Variants in EPHA6 observed in about 807,000 individuals in gnomAD.
The protein encoded by EPHA6 is ephrin type-A receptor 6.
In EPHA6, 50 loss-of-function variants were observed where a neutral mutation model predicts 112.0. That is an observed-to-expected ratio of 0.45 (90% confidence interval 0.36 to 0.56). EPHA6 has a LOEUF of 0.56. Among genes scored for constraint, EPHA6 ranks in the 20% least tolerant of loss-of-function variants. EPHA6 has a pLI of 0.00. For missense variants in EPHA6, 1,280 were observed against 1,417.4 expected, an observed-to-expected ratio of 0.90 and a Z score of 1.56; for synonymous variants, 529 against 490.7, an observed-to-expected ratio of 1.08 and a Z score of -1.03.
At chr3:96,846,633 G>C (rs964532789) in intron 1 of EPHA6, among the ~76,000 whole-genome samples, 1 of 152,028 alleles carries the variant, frequency 6.6e-6, no homozygotes, top group Admixed American at 6.6e-5. Context: ...TTAATAGCTT[G>C]AGAAATTCCA....
intron 3 of EPHA6, among the ~76,000 whole-genome samples, chr3:97,186,467 A>G (rs543191510): frequency 3.9e-5 from 6 of 152,286 alleles, no homozygotes; most frequent in African/African-American, 1.4e-4. Flanking sequence ...TCTCAACTTA[A>G]CTGCCAGTAC....
chr3:96,880,718 C>A (rs1255894309), intron 2 of EPHA6, among the ~76,000 whole-genome samples: 1 of 152,076 alleles, frequency 6.6e-6, no homozygotes, highest in African/African-American at 2.4e-5. Flanking sequence ...CTGGCAAACA[C>A]TAATCTGTTT....
At chr3:97,327,427 A>G (rs2082488109) in intron 5 of EPHA6, among the ~76,000 whole-genome samples, 1 of 151,876 alleles carries the variant, frequency 6.6e-6, no homozygotes. Flanking sequence ...ATTGACATTG[A>G]TATAATCCAT....
At chr3:97,376,811 G>A (rs145035349) in intron 5 of EPHA6, among the ~76,000 whole-genome samples, 54 of 152,288 alleles carry the variant, frequency 3.5e-4, no homozygotes, top group African/African-American at 1.3e-3. Context: ...AGGTGAGGGA[G>A]ACAGAAAGTA....
intron 14 of EPHA6, among the ~76,000 whole-genome samples, chr3:97,639,683 T>C (rs1359634295): frequency 6.6e-6 from 1 of 152,170 alleles, no homozygotes; most frequent in Non-Finnish European, 1.5e-5. Flanking sequence ...GGCAGATAAC[T>C]GAAATTTTTA....
rs539786889 is a variant in EPHA6, at chr3:97,265,074, C to A, written c.1606+20787C>A. Among the ~76,000 whole-genome samples, 4 of 152,288 alleles carry A rather than the reference C, an allele frequency of 2.6e-5. No individual in the cohort carries two copies. In the South Asian group the frequency reaches 8.3e-4, roughly 32 times the overall value. On this transcript the variant is annotated intron_variant, in intron 5 of 17. Transcript: ENST00000389672. Reference sequence around the variant, plus strand: ...CAGAGAGGTTAGTTCCTCTCTGCAACTGGTCATCCTGTCGTCTGCTTTGCT... The same window carrying A: ...CAGAGAGGTTAGTTCCTCTCTGCAAATGGTCATCCTGTCGTCTGCTTTGCT...
At chr3:97,592,266 C>A (rs1483457299) in intron 11 of EPHA6, among the ~76,000 whole-genome samples, 1 of 152,130 alleles carries the variant, frequency 6.6e-6, no homozygotes, top group Non-Finnish European at 1.5e-5. Flanking sequence ...GCCTGTAACT[C>A]ATGTAGGCAT....
At chr3:96,939,166 G>A (rs1013099947) in intron 2 of EPHA6, among the ~76,000 whole-genome samples, 2 of 152,174 alleles carry the variant, frequency 1.3e-5, no homozygotes, top group Admixed American at 6.5e-5. Flanking sequence ...GATTGGAATA[G>A]TTTCAGAAGG....
At chr3:97,178,635 G>A (rs544461657) in intron 3 of EPHA6, among the ~76,000 whole-genome samples, 6 of 152,022 alleles carry the variant, frequency 3.9e-5, no homozygotes, top group Non-Finnish European at 8.8e-5. Context: ...TATGATTAAA[G>A]TTTTTTCCTT....
At chr3:97,488,868 G>C (rs1216915148) in intron 10 of EPHA6, among the ~76,000 whole-genome samples, 1 of 152,130 alleles carries the variant, frequency 6.6e-6, no homozygotes, top group Non-Finnish European at 1.5e-5. Flanking sequence ...CAAGGCCTTT[G>C]TGCTTTTACT....
chr3:97,172,678 C>T (rs2076733465), intron 3 of EPHA6, among the ~76,000 whole-genome samples: 1 of 151,888 alleles, frequency 6.6e-6, no homozygotes. Context: ...TTGTGTACAT[C>T]TGCTTTGATC....
intron 5 of EPHA6, among the ~76,000 whole-genome samples, chr3:97,403,672 T>C (rs1386125407): frequency 3.3e-5 from 5 of 152,166 alleles, no homozygotes; most frequent in Middle Eastern, 3.2e-3. Context: ...GGTCTAGATC[T>C]CCTGACCTCG....
intron 5 of EPHA6, among the ~76,000 whole-genome samples, chr3:97,368,476 AT>A (rs1268031763): frequency 5.3e-5 from 8 of 152,162 alleles, no homozygotes; most frequent in Non-Finnish European, 1.2e-4. Flanking sequence ...TTGCATAACT[AT>A]TGATTTTCCT....
At chr3:97,588,099 T>TA (rs952290672) in intron 11 of EPHA6, among the ~76,000 whole-genome samples, 2 of 152,062 alleles carry the variant, frequency 1.3e-5, no homozygotes, top group African/African-American at 4.8e-5. Context: ...TATATATTTA[T>TA]AAAAAAATAA....
At chr3:96,915,475 A>T (rs1286533073) in intron 2 of EPHA6, among the ~76,000 whole-genome samples, 1 of 152,114 alleles carries the variant, frequency 6.6e-6, no homozygotes, top group Non-Finnish European at 1.5e-5. Flanking sequence ...AATTCAAGGA[A>T]CACATATTGT....
At position 97,189,619 on chromosome 3, in the gene EPHA6, C is replaced by G. The variant is rs139843775; in HGVS notation, c.1115-36645C>G. 1.3e-3 allele frequency among the ~76,000 whole-genome samples: 200 copies of G among 152,132 alleles called. 3 individuals carry two copies. The East Asian group carries it at 0.034, about 26-fold the overall frequency. ...ATGTAACCTCAGAAATGTCCTCTAT[C>G]TCTTCTCACACTTTTCACCACAAGG... On this transcript the variant is annotated intron_variant, in intron 3 of 17. Coordinates refer to ENST00000389672, the MANE Select transcript of EPHA6 (RefSeq NM_001080448.3).
intron 5 of EPHA6, among the ~76,000 whole-genome samples, chr3:97,337,114 A>G (rs13066286): frequency 6.6e-6 from 1 of 152,236 alleles, no homozygotes; most frequent in South Asian, 2.1e-4. Flanking sequence ...AAGAGAGAGA[A>G]CCATATCATG....
intron 3 of EPHA6, among the ~76,000 whole-genome samples, chr3:97,103,047 G>C (rs550422382): frequency 2.9e-4 from 44 of 152,220 alleles, no homozygotes; most frequent in Admixed American, 6.6e-4. Context: ...CAGAGGCACA[G>C]TGTGCAGAAA....
At chr3:97,604,863 T>G (rs959556455) in intron 12 of EPHA6, among the ~76,000 whole-genome samples, 4 of 151,638 alleles carry the variant, frequency 2.6e-5, no homozygotes, top group African/African-American at 9.7e-5. Context: ...TTTGTAGGTC[T>G]GCAATTGTTC....
Sources: gnomAD v4.1 joint callset for allele counts (sites outside exome capture counted in the v4.1 genomes callset) on GRCh38, gnomAD v4.1.1 for gene constraint, MANE v1.5 for transcripts, NCBI Gene and HGNC (gene_info 2026-07-23, HGNC 2026-07-21) for gene names.